Variants in VNN2 observed in about 807,000 individuals in gnomAD.
The protein encoded by VNN2 is vanin 2, also known as pantetheine hydrolase VNN2.
In VNN2, 43 loss-of-function variants were observed where a neutral mutation model predicts 43.0. The observed-to-expected ratio is 1.00, with a 90% CI of 0.78 to 1.29. The LOEUF is 1.29. Among genes scored for constraint, VNN2 ranks in the 50% most tolerant of loss-of-function variants. The pLI is 0.00. For synonymous variants in VNN2, 230 were observed against 224.3 expected (o/e 1.03, Z -0.23); for missense variants, 652 against 619.7 (o/e 1.05, Z -0.55).
intron 5 of VNN2, among the ~76,000 whole-genome samples, chr6:132,750,515 T>TATATATATATATATATATATATATATA (rs1359427541): frequency 2.8e-4 from 27 of 97,016 alleles, no homozygotes; most frequent in South Asian, 6.6e-4. Context: ...ATATATATAT[T>TATATATATATATATATATATATATATA]TTTCCAGGTG....
At chr6:132,755,454 A>T (rs974999762) in intron 3 of VNN2, among the ~76,000 whole-genome samples, 1 of 144,698 alleles carries the variant, frequency 6.9e-6, no homozygotes, top group Non-Finnish European at 1.5e-5. Flanking sequence ...GGCTCACTGC[A>T]GCCTCCACCT....
At chr6:132,754,869 A>G (rs1382544138) in intron 3 of VNN2, among the ~76,000 whole-genome samples, 1 of 152,208 alleles carries the variant, frequency 6.6e-6, no homozygotes, top group Non-Finnish European at 1.5e-5. Context: ...TACCATTTCA[A>G]TATTAAATAG....
intron 3 of VNN2, among the ~76,000 whole-genome samples, chr6:132,755,383 C>T (rs1273069850): frequency 2.6e-3 from 307 of 118,400 alleles, no homozygotes; most frequent in South Asian, 3.2e-3. Flanking sequence ...TCTTTTTTTT[C>T]TTTTTTTTTT....
At chr6:132,762,612 C>G (rs1009151274), upstream of VNN2, among the ~76,000 whole-genome samples, 5 of 152,182 alleles carry the variant, frequency 3.3e-5, no homozygotes, top group African/African-American at 1.2e-4. Flanking sequence ...CTTTAACCAT[C>G]TTTTGGGGCC....
chr6:132,748,050 C>T (rs184446170), intron 6 of VNN2, among the ~76,000 whole-genome samples: 11 of 152,242 alleles, frequency 7.2e-5, no homozygotes, highest in Non-Finnish European at 1.0e-4. Flanking sequence ...CAAAGTAGTA[C>T]GAGAAAATTA....
At position 132,753,809 on chromosome 6, in the gene VNN2, C is replaced by T. The variant is rs913389590; in HGVS notation, c.538-1060G>A. The T allele has an allele frequency of 5.1e-5, 9 of 176,330 alleles. No individual in the cohort carries two copies. The South Asian group carries it at 5.2e-4, about 10-fold the overall frequency. The allele number at this position is 176,330 out of a possible 1,614,324, so 10.9% of individuals were successfully genotyped here. On this transcript the variant is annotated intron_variant, in intron 3 of 6. Coordinates refer to ENST00000326499, the MANE Select transcript of VNN2 (RefSeq NM_004665.6). Reference sequence around the variant, plus strand: ...TCTACTAAAAAATCCAAAAATTAGCCGGGTGTGGTGGTATGCACCTGTAAT... The same window carrying T: ...TCTACTAAAAAATCCAAAAATTAGCTGGGTGTGGTGGTATGCACCTGTAAT...
intron 6 of VNN2, 88 bp downstream of exon 6, chr6:132,749,607 G>A: frequency 1.6e-6 from 2 of 1,289,426 alleles, no homozygotes; most frequent in Non-Finnish European, 2.1e-6. Flanking sequence ...TTACACAGCA[G>A]AAGTTAACTG....
In VNN2 at chr6:132,752,568, T is replaced by A; in HGVS notation, c.719A>T (p.Asn240Ile). ...AATAGCTGTCAAAAGGGGCAAAACG[T>A]TCATCCAAGCTGTGGGAAACAGTAT... The part of the protein sequence containing the change: ...DTILFPTAWM[N>I]VLPLLTAIEF... The change falls in exon 4 of 7, where the codon AAC becomes ATC. Residue 240 changes from asparagine (N) to isoleucine (I), a missense_variant. Asn to Ile is a moderately radical substitution (Grantham distance 149). Transcript: ENST00000326499. 2.5e-6 allele frequency: 4 copies of A among 1,614,182 alleles called. No homozygotes were observed. The highest frequency in any genetic ancestry group is 3.4e-6 in the Non-Finnish European group (4 of 1,180,028).
At position 132,757,559 on chromosome 6, in the gene VNN2, A is replaced by G. The variant is rs576830254; in HGVS notation, c.214-13T>C. The G allele has an allele frequency of 4.3e-6, 7 of 1,611,542 alleles. No individual in the cohort carries two copies. In the East Asian group the frequency reaches 6.7e-5, roughly 15 times the overall value. Reference sequence around the variant, plus strand: ...TGATTCGAGCACCCTGTTCAAAACAAGCAAAATAAAAATGATTTTTCCATG... The same window carrying G: ...TGATTCGAGCACCCTGTTCAAAACAGGCAAAATAAAAATGATTTTTCCATG... On this transcript the variant is annotated splice_polypyrimidine_tract_variant and intron_variant, in intron 1 of 6. Coordinates refer to ENST00000326499, the MANE Select transcript of VNN2 (RefSeq NM_004665.6).
At chr6:132,746,615 A>G (rs998660147) in intron 6 of VNN2, among the ~76,000 whole-genome samples, 5 of 152,114 alleles carry the variant, frequency 3.3e-5, no homozygotes, top group Non-Finnish European at 5.9e-5. Flanking sequence ...CCAGCCCTAA[A>G]GAGAAGAATC....
chr6:132,759,438 C>CAAAAAAAAAAAAAAAAAAA (rs58195059), upstream of VNN2, among the ~76,000 whole-genome samples: 3 of 69,168 alleles, frequency 4.3e-5, no homozygotes, highest in Non-Finnish European at 5.8e-5. Flanking sequence ...AACTCCGTCT[C>CAAAAAAAAAAAAAAAAAAA]AAAAAAAAAA....
At chr6:132,748,897 C>G (rs1370949675) in intron 6 of VNN2, among the ~76,000 whole-genome samples, 1 of 152,020 alleles carries the variant, frequency 6.6e-6, no homozygotes, top group East Asian at 1.9e-4. Flanking sequence ...TGCCACTGCA[C>G]TCTAACCTGG....
chr6:132,754,642 C>G (rs1780344248), intron 3 of VNN2, among the ~76,000 whole-genome samples: 2 of 152,248 alleles, frequency 1.3e-5, no homozygotes, highest in South Asian at 2.1e-4. Flanking sequence ...ATTTAAAAGG[C>G]CAGGCTTCTT....
intron 2 of VNN2, 79 bp downstream of exon 2, chr6:132,757,337 A>G: frequency 8.0e-6 from 12 of 1,495,802 alleles, no homozygotes; most frequent in Non-Finnish European, 9.8e-6. Context: ...TGGTAATTCA[A>G]GAGCAATCAT....
intron 2 of VNN2, among the ~76,000 whole-genome samples, 159 bp from the exon 3 acceptor site, chr6:132,756,194 C>G (rs1429936508): frequency 6.6e-6 from 1 of 152,212 alleles, no homozygotes; most frequent in African/African-American, 2.4e-5. Context: ...TGATTATACA[C>G]TTGATGAATG....
Position 132,749,869 on chromosome 6 carries a change from T to A in VNN2, c.1201-4A>T, listed in dbSNP as rs1215257014. On this transcript the variant is annotated splice_polypyrimidine_tract_variant and splice_region_variant and intron_variant, in intron 5 of 6. Transcript: ENST00000326499. ...TGCACTTCAGCAGTGTGCAGACCTA[T>A]GTGGAACAAACGCAGATAAAACGCA... 1 of 1,609,246 alleles carries A rather than the reference T, an allele frequency of 6.2e-7. No homozygotes were observed. The highest frequency in any genetic ancestry group is 1.3e-5 in the African/African-American group (1 of 74,734).
At chr6:132,751,922 T>C (rs981323149) in intron 4 of VNN2, among the ~76,000 whole-genome samples, 1 of 152,258 alleles carries the variant, frequency 6.6e-6, no homozygotes, top group South Asian at 2.1e-4. Context: ...ATCTAATTCC[T>C]TTCCCCTTGA....
chr6:132,751,097 T>C, intron 5 of VNN2, 48 bp downstream of exon 5: 1 of 1,528,524 alleles, frequency 6.5e-7, no homozygotes, highest in Middle Eastern at 1.8e-4. Flanking sequence ...AAAGTTAACC[T>C]GGAATTTACC....
chr6:132,748,427 T>C (rs1013889842), intron 6 of VNN2, among the ~76,000 whole-genome samples: 4 of 152,226 alleles, frequency 2.6e-5, no homozygotes. Context: ...GAATTAAGCA[T>C]TTTTATAAGT....
Sources: allele counts gnomAD v4.1 joint callset (sites outside exome capture counted in the v4.1 genomes callset), GRCh38; gene constraint gnomAD v4.1.1; transcripts MANE v1.5; gene names NCBI Gene and HGNC (gene_info 2026-07-23, HGNC 2026-07-21).